Variants in MRPS28 observed in about 807,000 individuals in gnomAD.
The protein encoded by MRPS28 is mitochondrial ribosomal protein S28, also known as small ribosomal subunit protein bS1m.
In MRPS28, 7 loss-of-function variants were observed where a neutral mutation model predicts 10.8. That is an observed-to-expected ratio of 0.65 (90% CI 0.37 to 1.22). MRPS28 has a LOEUF of 1.22. Ranked by LOEUF, MRPS28 falls within the 50% of genes most tolerant of loss-of-function variation. MRPS28 has a pLI of 0.02. For synonymous variants in MRPS28, 121 were observed against 93.3 expected, an observed-to-expected ratio of 1.30 and a Z score of -1.71; for missense variants, 265 against 232.9, an observed-to-expected ratio of 1.14 and a Z score of -0.90.
At chr8:79,946,718 C>T (rs1806929714) in intron 2 of MRPS28, among the ~76,000 whole-genome samples, 1 of 152,010 alleles carries the variant, frequency 6.6e-6, no homozygotes, top group East Asian at 1.9e-4. Flanking sequence ...TCTAAATTTT[C>T]CTAACCTTTT....
intron 2 of MRPS28, among the ~76,000 whole-genome samples, 169 bp from the exon 3 acceptor site, chr8:79,919,317 C>T (rs1193045513): frequency 6.7e-6 from 1 of 149,110 alleles, no homozygotes; most frequent in Non-Finnish European, 1.5e-5. Context: ...TTGATTGTAT[C>T]AGAAAAGCCC....
At chr8:80,020,597 A>G (rs1654040760) in intron 1 of MRPS28, among the ~76,000 whole-genome samples, 1 of 152,246 alleles carries the variant, frequency 6.6e-6, no homozygotes, top group African/African-American at 2.4e-5. Context: ...GTAGTCTGAA[A>G]TGGTACTGAG....
At chr8:79,968,548 A>G (rs1463823929) in intron 2 of MRPS28, among the ~76,000 whole-genome samples, 2 of 152,098 alleles carry the variant, frequency 1.3e-5, no homozygotes, top group Admixed American at 6.6e-5. Context: ...TCAATTCACA[A>G]TCTGATTCCA....
chr8:79,920,719 T>G (rs779492510), intron 2 of MRPS28, among the ~76,000 whole-genome samples: 4 of 152,182 alleles, frequency 2.6e-5, no homozygotes, highest in Non-Finnish European at 4.4e-5. Context: ...TTGCAAAAAT[T>G]TTCTCCCATT....
At chr8:79,971,109 A>G (rs995609714) in intron 2 of MRPS28, among the ~76,000 whole-genome samples, 1 of 152,222 alleles carries the variant, frequency 6.6e-6, no homozygotes, top group African/African-American at 2.4e-5. Flanking sequence ...AATAAGAGCA[A>G]TCAGTGTGTC....
At chr8:79,927,344 C>T (rs1317831963) in intron 2 of MRPS28, among the ~76,000 whole-genome samples, 2 of 152,204 alleles carry the variant, frequency 1.3e-5, no homozygotes, top group Admixed American at 1.3e-4. Flanking sequence ...GGCTTGACAA[C>T]TGCTTGATGG....
Position 79,973,243 on chromosome 8 carries a change from T to C in MRPS28, c.395+29756A>G, listed in dbSNP as rs967342643. Among the ~76,000 whole-genome samples, 22 of 152,316 alleles carry C rather than the reference T, an allele frequency of 1.4e-4. 1 individual carries two copies. The highest frequency in any genetic ancestry group is 1.2e-3 in the Admixed American group (18 of 15,302). On this transcript the variant is annotated intron_variant, in intron 2 of 2. Transcript: ENST00000276585. ...TGGATAAGCTTCATATATATACATT[T>C]AGAGTTGGACTCTCAACACAGTGAA...
intron 2 of MRPS28, among the ~76,000 whole-genome samples, chr8:79,928,045 T>TG (rs1195378870): frequency 6.6e-6 from 1 of 152,094 alleles, no homozygotes; most frequent in African/African-American, 2.4e-5. Flanking sequence ...GACTCTCGGC[T>TG]GGGCGTGGTG....
chr8:80,029,816 C>A (rs970272463), intron 1 of MRPS28: 4 of 1,530,588 alleles, frequency 2.6e-6, no homozygotes, highest in Non-Finnish European at 3.5e-6. Flanking sequence ...AGACCCGGCC[C>A]AGTACGCAAA....
intron 2 of MRPS28, among the ~76,000 whole-genome samples, chr8:79,972,154 A>G (rs763523857): frequency 1.2e-4 from 18 of 152,270 alleles, no homozygotes; most frequent in Non-Finnish European, 2.2e-4. Context: ...CAATAAAAAT[A>G]TAACAAAATA....
chr8:79,936,656 C>T (rs1806611407), intron 2 of MRPS28, among the ~76,000 whole-genome samples: 1 of 151,978 alleles, frequency 6.6e-6, no homozygotes, highest in Non-Finnish European at 1.5e-5. Context: ...ACTACACAAC[C>T]AAAAGATGTT....
intron 2 of MRPS28, among the ~76,000 whole-genome samples, chr8:79,938,366 A>G (rs1383426959): frequency 1.3e-5 from 2 of 151,848 alleles, no homozygotes; most frequent in Non-Finnish European, 2.9e-5. Flanking sequence ...TCCCAAAGCC[A>G]TAAAGCTAGT....
intron 2 of MRPS28, among the ~76,000 whole-genome samples, chr8:79,989,071 C>T (rs1808279577): frequency 6.6e-6 from 1 of 151,982 alleles, no homozygotes; most frequent in African/African-American, 2.4e-5. Context: ...ACCAGATGTC[C>T]CTGATGAGTT....
intron 1 of MRPS28, among the ~76,000 whole-genome samples, chr8:80,006,054 C>T (rs1808833088): frequency 6.6e-6 from 1 of 152,200 alleles, no homozygotes; most frequent in African/African-American, 2.4e-5. Flanking sequence ...TAACACCCCA[C>T]TGTCAACATT....
At chr8:80,014,360 T>C (rs370657794) in intron 1 of MRPS28, among the ~76,000 whole-genome samples, 6 of 151,990 alleles carry the variant, frequency 3.9e-5, no homozygotes, top group Admixed American at 2.0e-4. Flanking sequence ...AAGTTTGGGA[T>C]GGTTTGTTAT....
At chr8:79,945,264 A>ACAT (rs1806879223) in intron 2 of MRPS28, among the ~76,000 whole-genome samples, 10 of 152,336 alleles carry the variant, frequency 6.6e-5, no homozygotes, top group South Asian at 4.1e-4. Context: ...AACCAAAGGG[A>ACAT]TGCACCATAA....
chr8:80,026,398 C>G (rs923687460), intron 1 of MRPS28, among the ~76,000 whole-genome samples: 1 of 152,220 alleles, frequency 6.6e-6, no homozygotes, highest in Non-Finnish European at 1.5e-5. Context: ...CAGGCACATT[C>G]AACTGACATG....
chr8:80,021,867 G>T (rs1018350745), intron 1 of MRPS28, among the ~76,000 whole-genome samples: 1 of 152,104 alleles, frequency 6.6e-6, no homozygotes, highest in African/African-American at 2.4e-5. Flanking sequence ...CTTACCCAGG[G>T]CTCCCAATGG....
chr8:79,934,790 A>T (rs1489053860), intron 2 of MRPS28, among the ~76,000 whole-genome samples: 1 of 152,234 alleles, frequency 6.6e-6, no homozygotes, highest in Non-Finnish European at 1.5e-5. Flanking sequence ...CTTTATCTTA[A>T]ATGAACAAGT....
Sources: gnomAD v4.1 joint callset for allele counts (sites outside exome capture counted in the v4.1 genomes callset) on GRCh38, gnomAD v4.1.1 for gene constraint, MANE v1.5 for transcripts, NCBI Gene and HGNC (gene_info 2026-07-23, HGNC 2026-07-21) for gene names.